ACVR1: variants seen among roughly 807,000 people sequenced by gnomAD.
The protein encoded by ACVR1 is activin A receptor type 1.
Under a neutral mutation model 57.1 loss-of-function variants are expected in ACVR1, and 38 were observed. The observed-to-expected ratio is 0.67, with a 90% CI of 0.51 to 0.87. The LOEUF (loss-of-function observed/expected upper bound fraction) is 0.87, where lower values mean the gene tolerates loss of function less well. Among genes scored for constraint, ACVR1 ranks in the 40% least tolerant of loss-of-function variants. ACVR1 has a pLI of 0.00. For missense variants in ACVR1, 463 were observed against 638.2 expected (o/e 0.73, Z 2.96); for synonymous variants, 212 against 228.1 (o/e 0.93, Z 0.63).
chr2:157,790,475 AG>A (rs1686870727), intron 3 of ACVR1, among the ~76,000 whole-genome samples: 1 of 152,228 alleles, frequency 6.6e-6, no homozygotes, highest in African/African-American at 2.4e-5. Flanking sequence ...ATGGCAACAC[AG>A]GAACAAAGGG....
At chr2:157,740,943 T>C (rs1684734006) in intron 9 of ACVR1, among the ~76,000 whole-genome samples, 1 of 152,210 alleles carries the variant, frequency 6.6e-6, no homozygotes, top group Non-Finnish European at 1.5e-5. Context: ...ACGCTGGCCA[T>C]GCTTCTCCAA....
intron 9 of ACVR1, among the ~76,000 whole-genome samples, chr2:157,758,855 A>G (rs1685530849): frequency 6.6e-6 from 1 of 152,074 alleles, no homozygotes; most frequent in Admixed American, 6.6e-5. Flanking sequence ...TGGAAACTGT[A>G]CAAACACATG....
chr2:157,747,659 G>A (rs986462179), intron 9 of ACVR1, among the ~76,000 whole-genome samples: 1 of 151,986 alleles, frequency 6.6e-6, no homozygotes, highest in Non-Finnish European at 1.5e-5. Context: ...TTCTGTTTTG[G>A]GAGAGTAATA....
chr2:157,869,902 TTG>T (rs1307328399), intron 1 of ACVR1, among the ~76,000 whole-genome samples: 2 of 152,246 alleles, frequency 1.3e-5, no homozygotes, highest in Admixed American at 6.5e-5. Context: ...TATTTCTATC[TTG>T]TGTAAGTCCC....
intron 5 of ACVR1, among the ~76,000 whole-genome samples, chr2:157,775,116 G>C (rs1686232360): frequency 6.6e-6 from 1 of 152,222 alleles, no homozygotes; most frequent in South Asian, 2.1e-4. Context: ...GCAGCAACGG[G>C]CTGCCTGGAT....
At chr2:157,811,826 A>G (rs1342103223) in intron 2 of ACVR1, among the ~76,000 whole-genome samples, 1 of 152,236 alleles carries the variant, frequency 6.6e-6, no homozygotes, top group Non-Finnish European at 1.5e-5. Flanking sequence ...GAGAATGGAA[A>G]TAGAATACAA....
intron 1 of ACVR1, among the ~76,000 whole-genome samples, chr2:157,855,308 G>GTATATATATATA (rs1200907209): frequency 1.2e-4 from 6 of 51,666 alleles, no homozygotes; most frequent in East Asian, 4.8e-4. Context: ...GTGTGTGTGT[G>GTATATATATATA]TATATATATA....
chr2:157,822,505 T>C (rs1469623080), intron 1 of ACVR1, among the ~76,000 whole-genome samples: 1 of 152,230 alleles, frequency 6.6e-6, no homozygotes, highest in African/African-American at 2.4e-5. Flanking sequence ...TTCTCCAGAA[T>C]ATATTCTTCT....
intron 2 of ACVR1, among the ~76,000 whole-genome samples, chr2:157,808,217 T>C (rs893561090): frequency 6.6e-6 from 1 of 152,164 alleles, no homozygotes; most frequent in Admixed American, 6.5e-5. Flanking sequence ...CACACCAAAA[T>C]GTAAGCAACA....
intron 2 of ACVR1, among the ~76,000 whole-genome samples, chr2:157,813,536 C>T (rs1262006106): frequency 6.6e-6 from 1 of 152,180 alleles, no homozygotes; most frequent in Non-Finnish European, 1.5e-5. Context: ...TGATGTCTGC[C>T]GTTTCTGATC....
chr2:157,839,010 C>T (rs1224107753), intron 1 of ACVR1, among the ~76,000 whole-genome samples: 2 of 152,190 alleles, frequency 1.3e-5, no homozygotes, highest in African/African-American at 4.8e-5. Flanking sequence ...CAGAAATGCT[C>T]ATCACCCAGT....
chr2:157,764,192 A>G (rs560322054), intron 8 of ACVR1, among the ~76,000 whole-genome samples: 25 of 151,146 alleles, frequency 1.7e-4, no homozygotes, highest in South Asian at 1.0e-3. Flanking sequence ...CTATATATAT[A>G]TTTTTTTTTA....
chr2:157,863,311 C>CCTAT (rs1436365926), intron 1 of ACVR1, among the ~76,000 whole-genome samples: 1 of 130,960 alleles, frequency 7.6e-6, no homozygotes, highest in Non-Finnish European at 1.6e-5. Flanking sequence ...CCATGCCCAG[C>CCTAT]CTATAGAACA....
chr2:157,854,556 A>G (rs1171098770), intron 1 of ACVR1, among the ~76,000 whole-genome samples: 1 of 152,008 alleles, frequency 6.6e-6, no homozygotes, highest in Non-Finnish European at 1.5e-5. Context: ...CCCCATCTCT[A>G]CTAAAAATAC....
At chr2:157,791,783 T>C (rs987683095) in intron 3 of ACVR1, among the ~76,000 whole-genome samples, 1 of 152,206 alleles carries the variant, frequency 6.6e-6, no homozygotes, top group East Asian at 1.9e-4. Context: ...ACTCTGACCA[T>C]CAATACTATG....
At chr2:157,817,471 A>G (rs1416921772) in intron 2 of ACVR1, among the ~76,000 whole-genome samples, 1 of 152,166 alleles carries the variant, frequency 6.6e-6, no homozygotes, top group Non-Finnish European at 1.5e-5. Context: ...GTCATTACTC[A>G]TTTGTCCAAA....
At chr2:157,779,078 T>C (rs577129778) in intron 4 of ACVR1, among the ~76,000 whole-genome samples, 10 of 152,300 alleles carry the variant, frequency 6.6e-5, no homozygotes, top group African/African-American at 2.4e-4. Context: ...GTCATTTGCA[T>C]GAGAAAGTGT....
At chr2:157,851,890 CACACACACACACACACA>C (rs1260889957) in intron 1 of ACVR1, among the ~76,000 whole-genome samples, 1,688 of 8,168 alleles carry the variant, frequency 0.21, 88 homozygotes, top group African/African-American at 0.26. Context: ...CACACACACA[CACACACACACACACACA>C]CACCACCCCC....
At chr2:157,863,336 C>CCTT (rs1689795351) in intron 1 of ACVR1, among the ~76,000 whole-genome samples, 8 of 35,674 alleles carry the variant, frequency 2.2e-4, no homozygotes, top group Non-Finnish European at 4.8e-5. Context: ...AATTGTTTCT[C>CCTT]TTTTTTTTTT....
Sources: allele counts gnomAD v4.1 joint callset (sites outside exome capture counted in the v4.1 genomes callset), GRCh38; gene constraint gnomAD v4.1.1; transcripts MANE v1.5; gene names NCBI Gene and HGNC (gene_info 2026-07-23, HGNC 2026-07-21).